The following BRD4 variants were observed in gnomAD, a reference collection of about 807,000 sequenced individuals.
BRD4 encodes bromodomain-containing protein 4.
Under a neutral mutation model 142.1 loss-of-function variants are expected in BRD4, and 16 were observed. The ratio of observed to expected loss-of-function variants is 0.11; its 90% confidence interval spans 0.08 to 0.17. The LOEUF is 0.17. Ranked by LOEUF, BRD4 falls within the 10% of genes least tolerant of loss-of-function variation. The pLI is 1.00. For missense variants in BRD4, 1,424 were observed against 1,810.9 expected (o/e 0.79, Z 3.88); for synonymous variants, 833 against 707.5 (o/e 1.18, Z -2.82).
rs2048166673 is a variant in BRD4, at chr19:15,332,119, G to A, written c.-35+171C>T. ...CGGCCCGGAACGAACGGCGCGGGAG[G>A]CCCGCAGGCCCGAGCCCGCGTAGCC... On this transcript the variant is annotated intron_variant, in intron 1 of 19. Coordinates refer to ENST00000679869, the MANE Select transcript of BRD4 (RefSeq NM_001379291.1). 2.1e-5 allele frequency among the ~76,000 whole-genome samples: 3 copies of A among 145,996 alleles called. No individual in the cohort carries two copies. The East Asian group carries it at 6.1e-4, about 30-fold the overall frequency.
At chr19:15,291,112 CAT>C (rs1358661634) in intron 1 of BRD4, among the ~76,000 whole-genome samples, 6 of 152,126 alleles carry the variant, frequency 3.9e-5, no homozygotes, top group Non-Finnish European at 7.4e-5. Flanking sequence ...CTGTTCCTAA[CAT>C]GTGTCTACTG....
In BRD4 at chr19:15,244,321, G is replaced by C. The variant is rs1040321449; in HGVS notation, c.2491C>G (p.Pro831Ala). ...AGGTGAGGGGGCAGCTCAGGCTGCG[G>C]CAGGTGCAGGATGGGCTGGGTGAAG... ...GHFTQPILHL[P>A]QPELPPHLPQ... The change falls in exon 13 of 20, where the codon CCG (proline) becomes GCG (alanine). Residue 831 changes from proline to alanine, a missense_variant. Physicochemically the swap from Pro to Ala is conservative, Grantham distance 27 (BLOSUM62 -1). This residue lies in a region of BRD4 where 598 missense variants were observed against 647.8 expected (regional missense o/e 0.92). Coordinates refer to ENST00000679869, the MANE Select transcript of BRD4 (RefSeq NM_001379291.1). 2 of 1,599,238 alleles carry C rather than the reference G, an allele frequency of 1.3e-6. No individual in the cohort carries two copies. Among genetic ancestry groups the C allele is most frequent in the Non-Finnish European group, 8.5e-7 (1 of 1,175,092 alleles).
intron 11 of BRD4, among the ~76,000 whole-genome samples, chr19:15,250,437 G>A (rs73508405): frequency 0.016 from 2,362 of 152,280 alleles, 50 homozygotes; most frequent in African/African-American, 0.054. Flanking sequence ...TGGTAAGAAC[G>A]CCCCATGGCC....
At chr19:15,329,408 G>A (rs1352022334) in intron 1 of BRD4, among the ~76,000 whole-genome samples, 1 of 152,056 alleles carries the variant, frequency 6.6e-6, no homozygotes, top group Non-Finnish European at 1.5e-5. Flanking sequence ...ACAGCCCAGG[G>A]TCTTCAAATC....
chr19:15,328,622 T>A lies in BRD4; in HGVS notation c.-35+3668A>T, dbSNP rs190755067. Among the ~76,000 whole-genome samples the A allele has an allele frequency of 6.6e-3, 1,011 of 152,332 alleles. 7 individuals are homozygous for A. Among genetic ancestry groups the A allele is most frequent in the Non-Finnish European group, 0.011 (740 of 68,032 alleles). On this transcript the variant is annotated intron_variant, in intron 1 of 19. Coordinates refer to ENST00000679869, the MANE Select transcript of BRD4 (RefSeq NM_001379291.1). ...ATTTTTAAAGCGGGATTATTTGCAT[T>A]TGGCATTACGGCATGCAAAATTCTT...
chr19:15,316,808 C>T (rs914299284), intron 1 of BRD4, among the ~76,000 whole-genome samples: 14 of 152,160 alleles, frequency 9.2e-5, no homozygotes, highest in Non-Finnish European at 1.9e-4. Context: ...TTCTGATCAT[C>T]CCCTCACACT....
chr19:15,307,125 G>A (rs1310384531), intron 1 of BRD4, among the ~76,000 whole-genome samples: 1 of 152,122 alleles, frequency 6.6e-6, no homozygotes, highest in African/African-American at 2.4e-5. Context: ...AGGAAGCAGA[G>A]GTGACTGAAC....
chr19:15,327,639 CTA>C (rs1409077172), intron 1 of BRD4, among the ~76,000 whole-genome samples: 1 of 152,082 alleles, frequency 6.6e-6, no homozygotes. Flanking sequence ...ATGTTCACCA[CTA>C]ATGAATGGGT....
intron 5 of BRD4, among the ~76,000 whole-genome samples, chr19:15,265,102 C>T (rs2047517726): frequency 6.6e-6 from 1 of 152,182 alleles, no homozygotes; most frequent in East Asian, 1.9e-4. Context: ...TTTAGATGGC[C>T]CATCTGCAAA....
At chr19:15,264,820 C>T in intron 5 of BRD4, 54 bp from the exon 6 acceptor site, 1 of 1,555,440 alleles carries the variant, frequency 6.4e-7, no homozygotes, top group South Asian at 1.2e-5. Flanking sequence ...GCCGGCACAG[C>T]TGCCCTCAGG....
intron 1 of BRD4, among the ~76,000 whole-genome samples, chr19:15,331,474 C>A (rs1334148665): frequency 6.6e-6 from 1 of 152,222 alleles, no homozygotes; most frequent in Non-Finnish European, 1.5e-5. Context: ...CCGGCGAGCA[C>A]GGACCGAGCA....
chr19:15,263,316 GGAA>G, intron 7 of BRD4, 101 bp downstream of exon 7: 1 of 1,391,564 alleles, frequency 7.2e-7, no homozygotes, highest in African/African-American at 1.4e-5. Flanking sequence ...ATTATCCCAA[GGAA>G]AGTGACAGAA....
At chr19:15,315,510 T>TG (rs111759462) in intron 1 of BRD4, among the ~76,000 whole-genome samples, 2,460 of 150,720 alleles carry the variant, frequency 0.016, 43 homozygotes, top group East Asian at 0.046. Context: ...TTAAGGGGAT[T>TG]GGGGGGGGGA....
intron 11 of BRD4, among the ~76,000 whole-genome samples, chr19:15,251,773 G>A (rs28595829): frequency 0.053 from 8,119 of 152,270 alleles, 682 homozygotes; most frequent in African/African-American, 0.18. Flanking sequence ...GAAGCACCCT[G>A]CCGGCCCACG....
intron 1 of BRD4, among the ~76,000 whole-genome samples, chr19:15,302,070 G>C (rs2047873207): frequency 6.6e-6 from 1 of 151,488 alleles, no homozygotes; most frequent in South Asian, 2.1e-4. Flanking sequence ...GAGAGGTTGA[G>C]ACTCCAGAAT....
In BRD4 at chr19:15,265,522, G is replaced by A. The variant is rs141260661; in HGVS notation, c.681C>T (p.Ala227=). 2.7e-5 allele frequency: 44 copies of A among 1,613,908 alleles called. No individual in the cohort carries two copies. Among genetic ancestry groups the A allele is most frequent in the South Asian group, 4.4e-5 (4 of 91,068 alleles). ...PVQATPHPFP[A]VTPDLIVQTP... is the part of the protein sequence containing the mutation. ...TCTGGACGATGAGGTCCGGGGTGAC[G>A]GCAGGGAAGGGGTGAGGCGTGGCCT... Residue 227 remains alanine, a synonymous_variant, in exon 5 of 20, where the codon GCC becomes GCT. Transcript: ENST00000679869.
Position 15,306,147 on chromosome 19 carries a change from TTTC to T in BRD4, c.-35+26140_-35+26142del, listed in dbSNP as rs1237861123. Among the ~76,000 whole-genome samples, 5 of 152,258 alleles carry T rather than the reference TTTC, an allele frequency of 3.3e-5. No individual in the cohort carries two copies. In the East Asian group the frequency reaches 7.7e-4, roughly 23 times the overall value. On this transcript the variant is annotated intron_variant, in intron 1 of 19. Transcript: ENST00000679869. ...CATGTCAGCAATAAGGTTGTTTCAC[TTTC>T]TTATCACTCAGGCATTCACTGGAGT...
At chr19:15,299,055 G>T (rs1422595510) in intron 1 of BRD4, among the ~76,000 whole-genome samples, 1 of 152,196 alleles carries the variant, frequency 6.6e-6, no homozygotes, top group Non-Finnish European at 1.5e-5. Context: ...CACATGGGGA[G>T]CAAACATGCT....
Position 15,306,563 on chromosome 19 carries a change from C to T in BRD4, c.-35+25727G>A, listed in dbSNP as rs147553358. Among the ~76,000 whole-genome samples, 432 of 152,268 alleles carry T rather than the reference C, an allele frequency of 2.8e-3. 6 individuals are homozygous for T. The highest frequency in any genetic ancestry group is 0.01 in the African/African-American group (417 of 41,554). ...GCTAGGATTACAGGCATGAACCCCA[C>T]GCCTGGCCATTTTTAGCTTCTGACT... On this transcript the variant is annotated intron_variant, in intron 1 of 19. Transcript: ENST00000679869.
Sources: gnomAD v4.1 joint callset for allele counts (sites outside exome capture counted in the v4.1 genomes callset) on GRCh38, gnomAD v4.1.1 for gene constraint, gnomAD v4.1.1 regional missense constraint, MANE v1.5 for transcripts, NCBI Gene and HGNC (gene_info 2026-07-23, HGNC 2026-07-21) for gene names.